The following DCLK2 variants were observed in gnomAD, a reference collection of about 807,000 sequenced individuals.
DCLK2 encodes doublecortin like kinase 2, also known as serine/threonine-protein kinase DCLK2.
A neutral mutation model predicts 78.4 loss-of-function variants in DCLK2; 31 were observed. The observed-to-expected ratio is 0.40, with a 90% CI of 0.30 to 0.53. The LOEUF is 0.53. DCLK2 is among the 20% of genes least tolerant of loss of function. The pLI, the probability that DCLK2 is intolerant of heterozygous loss-of-function variation, is 0.61. For missense variants in DCLK2, 872 were observed against 973.7 expected, an observed-to-expected ratio of 0.90 and a Z score of 1.39; for synonymous variants, 407 against 374.9, an observed-to-expected ratio of 1.09 and a Z score of -0.99.
intron 13 of DCLK2, 114 bp from the exon 14 acceptor site, chr4:150,248,186 AGTTAG>A: frequency 1.3e-6 from 1 of 771,908 alleles, no homozygotes; most frequent in Non-Finnish European, 2.2e-6. Flanking sequence ...GGTTTGAATC[AGTTAG>A]CAGCTGTGCT....
At chr4:150,211,152 T>G (rs1740284261) in intron 5 of DCLK2, among the ~76,000 whole-genome samples, 1 of 152,118 alleles carries the variant, frequency 6.6e-6, no homozygotes, top group African/African-American at 2.4e-5. Flanking sequence ...AAGGCTTGAC[T>G]GGGAATGGAG....
intron 2 of DCLK2, among the ~76,000 whole-genome samples, chr4:150,113,391 T>A (rs1002196905): frequency 3.9e-5 from 6 of 152,156 alleles, no homozygotes; most frequent in Non-Finnish European, 8.8e-5. Flanking sequence ...TTTGTTGTTG[T>A]TGGCAGTTTT....
chr4:150,172,724 A>G (rs1736634525), intron 2 of DCLK2, among the ~76,000 whole-genome samples: 1 of 135,642 alleles, frequency 7.4e-6, no homozygotes, highest in Non-Finnish European at 1.6e-5. Flanking sequence ...CTAAACATGC[A>G]GTTCTCCTCA....
intron 2 of DCLK2, among the ~76,000 whole-genome samples, chr4:150,146,523 C>T (rs763092283): frequency 3.3e-5 from 5 of 150,858 alleles, no homozygotes; most frequent in Non-Finnish European, 5.9e-5. Context: ...AGTTGCCTAG[C>T]ACTGTAGTAG....
At chr4:150,098,551 G>A (rs1053357554) in intron 1 of DCLK2, among the ~76,000 whole-genome samples, 2 of 152,094 alleles carry the variant, frequency 1.3e-5, no homozygotes, top group African/African-American at 4.8e-5. Context: ...TTTGGGGTAC[G>A]AGTGGTTTAT....
At chr4:150,177,637 A>C (rs1737190537) in intron 2 of DCLK2, among the ~76,000 whole-genome samples, 1 of 152,238 alleles carries the variant, frequency 6.6e-6, no homozygotes, top group Non-Finnish European at 1.5e-5. Flanking sequence ...TTCAAAAGCA[A>C]AAGTTTGAGG....
chr4:150,190,234 G>GA (rs1553966401), intron 2 of DCLK2, among the ~76,000 whole-genome samples: 10,498 of 99,898 alleles, frequency 0.11, 546 homozygotes, highest in Middle Eastern at 0.12. Flanking sequence ...TAGATGGATA[G>GA]TTAGATAGAT....
At chr4:150,094,884 A>G (rs1560766556) in intron 1 of DCLK2, among the ~76,000 whole-genome samples, 2 of 152,168 alleles carry the variant, frequency 1.3e-5, no homozygotes, top group African/African-American at 2.4e-5. Flanking sequence ...TTGTGAAATC[A>G]AAACACCTTA....
chr4:150,143,349 A>G (rs1230463588), intron 2 of DCLK2, among the ~76,000 whole-genome samples: 3 of 152,286 alleles, frequency 2.0e-5, no homozygotes, highest in South Asian at 2.1e-4. Context: ...GCTTCAATAA[A>G]CATCTAAGTG....
At chr4:150,079,648 T>C (rs1020165602) in intron 1 of DCLK2, among the ~76,000 whole-genome samples, 200 bp downstream of exon 1, 3 of 152,250 alleles carry the variant, frequency 2.0e-5, no homozygotes, top group African/African-American at 4.8e-5. Context: ...TCCCAAGAGG[T>C]TTGTCTCTTA....
chr4:150,161,753 G>A (rs757307594), intron 2 of DCLK2, among the ~76,000 whole-genome samples: 15 of 152,222 alleles, frequency 9.9e-5, no homozygotes, highest in Non-Finnish European at 1.8e-4. Flanking sequence ...GAAAGTGGGA[G>A]ATGAGAGATT....
intron 2 of DCLK2, among the ~76,000 whole-genome samples, chr4:150,104,394 T>TAAAAAAAAAAA (rs34276664): frequency 0.041 from 1,234 of 29,742 alleles, 167 homozygotes; most frequent in Non-Finnish European, 0.052. Flanking sequence ...CCACATCTCC[T>TAAAAAAAAAAA]AAAAAAAAAA....
rs1180597418 is a variant in DCLK2, at chr4:150,248,354, C to T, written c.1925C>T (p.Ala642Val). The change falls in exon 14 of 16, where the codon GCG becomes GTG. Residue 642 changes from alanine to valine, a missense_variant. Transcript: ENST00000296550. The part of the protein sequence containing the change: ...LQVNVEARCT[A>V]GQILSHPWVS... Reference sequence around the variant, plus strand: ...GTAAATGTTGAAGCTCGGTGTACCGCGGGACAAATCCTGAGTCACCCCTGG... The same window carrying T: ...GTAAATGTTGAAGCTCGGTGTACCGTGGGACAAATCCTGAGTCACCCCTGG... The T allele has an allele frequency of 4.3e-6, 7 of 1,613,922 alleles. 1 individual carries two copies. Among genetic ancestry groups the T allele is most frequent in the Middle Eastern group, 3.3e-4 (2 of 6,062 alleles).
chr4:150,246,099 C>T (rs1043075726), intron 12 of DCLK2, among the ~76,000 whole-genome samples: 1 of 150,888 alleles, frequency 6.6e-6, no homozygotes, highest in African/African-American at 2.4e-5. Context: ...GGCTGGAATG[C>T]AGTGGTGCGA....
rs919971458 is a variant in DCLK2 at position 150,157,505 on chromosome 4, G to T, written c.757-35633G>T. Among the ~76,000 whole-genome samples the T allele has an allele frequency of 3.5e-4, 51 of 145,670 alleles. 1 individual carries two copies. Among genetic ancestry groups the T allele is most frequent in the Non-Finnish European group, 4.6e-4 (30 of 65,352 alleles). On this transcript the variant is annotated intron_variant, in intron 2 of 15. Transcript: ENST00000296550. ...AGATGGTTTTTTTGTTTGTTTGTTT[G>T]TTTGTTTGTTTGTTTGTTTGTTTTT...
At chr4:150,147,692 T>G (rs77867908) in intron 2 of DCLK2, among the ~76,000 whole-genome samples, 1,995 of 152,320 alleles carry the variant, frequency 0.013, 46 homozygotes, top group African/African-American at 0.045. Context: ...ACACCTGGAC[T>G]TCATAGAAAG....
At chr4:150,237,921 A>G (rs1169659505) in intron 10 of DCLK2, among the ~76,000 whole-genome samples, 2 of 152,026 alleles carry the variant, frequency 1.3e-5, no homozygotes, top group African/African-American at 4.8e-5. Context: ...TTCAAAATGG[A>G]CATCCAAGAG....
chr4:150,184,935 C>T (rs1737809683), intron 2 of DCLK2, among the ~76,000 whole-genome samples: 1 of 152,140 alleles, frequency 6.6e-6, no homozygotes. Flanking sequence ...TCCTAACACA[C>T]CCCACTCGGG....
intron 15 of DCLK2, among the ~76,000 whole-genome samples, chr4:150,252,287 T>C (rs763800561): frequency 4.6e-5 from 7 of 152,112 alleles, no homozygotes; most frequent in Non-Finnish European, 1.0e-4. Flanking sequence ...AAATAAAACA[T>C]TAAAAATTGG....
Sources: allele counts gnomAD v4.1 joint callset (sites outside exome capture counted in the v4.1 genomes callset), GRCh38; gene constraint gnomAD v4.1.1; transcripts MANE v1.5; gene names NCBI Gene and HGNC (gene_info 2026-07-23, HGNC 2026-07-21).